Variants in MYH3 observed in about 807,000 individuals in gnomAD.
MYH3 encodes the protein myosin heavy chain 3.
In MYH3, 130 loss-of-function variants were observed where a neutral mutation model predicts 238.0. The observed-to-expected ratio is 0.55, with a 90% confidence interval of 0.47 to 0.63. The LOEUF (loss-of-function observed/expected upper bound fraction) is 0.63. MYH3 is among the 30% of genes least tolerant of loss of function. MYH3 has a pLI of 0.00. For synonymous variants in MYH3, 880 were observed against 924.1 expected (o/e 0.95, Z 0.86); for missense variants, 1,853 against 2,374.9 (o/e 0.78, Z 4.57).
At chr17:10,655,294 G>A (rs1167225004) in intron 2 of MYH3, among the ~76,000 whole-genome samples, 2 of 152,170 alleles carry the variant, frequency 1.3e-5, no homozygotes, top group Non-Finnish European at 2.9e-5. Flanking sequence ...CTTCTTGTGC[G>A]ACAGTCTTAC....
In MYH3 at chr17:10,630,341, C is replaced by G; in HGVS notation, c.5404G>C (p.Glu1802Gln). 3 of 1,614,238 alleles carry G rather than the reference C, an allele frequency of 1.9e-6. No individual in the cohort carries two copies. Among genetic ancestry groups the G allele is most frequent in the Non-Finnish European group, 2.5e-6 (3 of 1,180,050 alleles). Residue 1802 changes from glutamate to glutamine, a missense_variant, in exon 37 of 41, where the codon GAG becomes CAG. By Grantham distance (29) the Glu-to-Gln change is conservative (BLOSUM62 2). Around this residue, in one of 3 missense-constraint regions of MYH3, gnomAD observed 1,044 missense variants for 1,192.6 expected, o/e 0.88. Transcript: ENST00000583535. ...TTCCCGCCCTTCAGCGCCAGCTGCT[C>G]GGCCTCATCTAGACGATGCTGCAGG... The part of the protein sequence containing the change: ...KDLQHRLDEA[E>Q]QLALKGGKKQ...
chr17:10,665,559 T>A, the MYH3 span, among the ~76,000 whole-genome samples: 1 of 152,196 alleles, frequency 6.6e-6, no homozygotes, highest in East Asian at 1.9e-4. Flanking sequence ...AAGAAAAGAC[T>A]CTATAGCAAT....
rs1347219178 is a variant in MYH3, at chr17:10,644,554, T to C, written c.1260+30A>G. The C allele has an allele frequency of 3.7e-6, 6 of 1,613,424 alleles. No individual in the cohort carries two copies. The Admixed American group carries it at 1.0e-4, about 27-fold the overall frequency. On this transcript the variant is annotated intron_variant, in intron 13 of 40. Coordinates refer to ENST00000583535, the MANE Select transcript of MYH3 (RefSeq NM_002470.4). ...ATGAAGGAAGTGGCCAGCAGGGTCCTGCACCCTTTCCCGGCCTTGAAGCTG... is the reference window on the plus strand; with the variant it reads ...ATGAAGGAAGTGGCCAGCAGGGTCCCGCACCCTTTCCCGGCCTTGAAGCTG...
the MYH3 span, among the ~76,000 whole-genome samples, chr17:10,666,400 T>A: frequency 6.8e-6 from 1 of 146,452 alleles, no homozygotes; most frequent in African/African-American, 2.6e-5. Context: ...GGCAACAGAG[T>A]GAGACCTTGT....
rs1367009636 is a variant in MYH3 at position 10,640,397 on chromosome 17, G to A, written c.2362C>T (p.Arg788Trp). The A allele has an allele frequency of 1.9e-6, 3 of 1,614,094 alleles. No individual in the cohort carries two copies. The highest frequency in any genetic ancestry group is 2.5e-6 in the Non-Finnish European group (3 of 1,180,048). The change falls in exon 21 of 41, where the codon CGG (arginine) becomes TGG (tryptophan). Residue 788 changes from arginine to tryptophan, a missense_variant. Arg to Trp is a moderately radical substitution (Grantham distance 101). This residue lies in a region of MYH3 where 678 missense variants were observed against 1,058.9 expected (regional missense o/e 0.64). Transcript: ENST00000583535. ...RDDRLAKLITRTQAVCRGFLM... is the reference protein window; with the variant it reads ...RDDRLAKLITWTQAVCRGFLM... ...AACCCTCTGCACACAGCTTGTGTCC[G>A]GGTGATTAGTTTGGCCAGGCGGTCA...
chr17:10,663,511 G>A, the MYH3 span, among the ~76,000 whole-genome samples: 11 of 152,134 alleles, frequency 7.2e-5, no homozygotes, highest in Admixed American at 7.2e-4. Context: ...AAAGGCAGAA[G>A]TGGGAAAGCT....
chr17:10,636,573 T>C (rs1004909537), intron 28 of MYH3, among the ~76,000 whole-genome samples: 2 of 150,692 alleles, frequency 1.3e-5, no homozygotes, highest in African/African-American at 2.5e-5. Flanking sequence ...GAGAAAAACA[T>C]AGAATGGGGC....
At chr17:10,633,847 T>C (rs577757117) in intron 32 of MYH3, 132 bp from the exon 33 acceptor site, 682 of 1,494,084 alleles carry the variant, frequency 4.6e-4, no homozygotes, top group Non-Finnish European at 5.4e-4. Flanking sequence ...AGATAAGATA[T>C]TGTACAGAGA....
In MYH3 at chr17:10,651,522, G is replaced by T. The variant is rs1300198398; in HGVS notation, c.495C>A (p.Phe165Leu). The change falls in exon 5 of 41, where the codon TTC becomes TTA. Residue 165 changes from phenylalanine (F) to leucine (L), a missense_variant. Physicochemically the swap from Phe to Leu is conservative, Grantham distance 22. Coordinates refer to ENST00000583535, the MANE Select transcript of MYH3 (RefSeq NM_002470.4). ...TCCTGGGAAACTCACCAGTCAGCATGAACTGATAGGCGTTGTCAGAGATGG... is the reference window on the plus strand; with the variant it reads ...TCCTGGGAAACTCACCAGTCAGCATTAACTGATAGGCGTTGTCAGAGATGG... ...IFSISDNAYQ[F>L]MLTDRENQSI... is the part of the protein sequence containing the mutation. The T allele has an allele frequency of 1.2e-6, 2 of 1,613,666 alleles. No homozygotes were observed. Among genetic ancestry groups the T allele is most frequent in the Middle Eastern group, 3.4e-4 (2 of 5,948 alleles).
chr17:10,649,489 G>C, intron 7 of MYH3, 88 bp downstream of exon 7: 1 of 994,808 alleles, frequency 1.0e-6, no homozygotes, highest in Non-Finnish European at 1.6e-6. Flanking sequence ...GAAGAGGGGG[G>C]AATGTGAGGA....
rs1453739529 is a variant in MYH3 at position 10,629,688 on chromosome 17, T to C, written c.5705A>G (p.His1902Arg). ...AHLTKFRKAQ[H>R]ELEEAEERAD... is the part of the protein sequence containing the mutation. ...ACGTTCCTCGGCCTCCTCCAGCTCA[T>C]GCTGAGCCTTTCGGAATTTGGTGAG... The change falls in exon 40 of 41, where the codon CAT becomes CGT. Residue 1902 changes from histidine to arginine, a missense_variant. Coordinates refer to ENST00000583535, the MANE Select transcript of MYH3 (RefSeq NM_002470.4). 1 of 1,614,266 alleles carries C rather than the reference T, an allele frequency of 6.2e-7. No homozygotes were observed. Among genetic ancestry groups the C allele is most frequent in the Admixed American group, 1.7e-5 (1 of 60,036 alleles).
At position 10,640,536 on chromosome 17, in the gene MYH3, C is replaced by G. The variant is rs376303744; in HGVS notation, c.2289+27G>C. 6 of 1,614,100 alleles carry G rather than the reference C, an allele frequency of 3.7e-6. No homozygotes were observed. The African/African-American group carries it at 8.0e-5, about 22-fold the overall frequency. On this transcript the variant is annotated intron_variant, in intron 20 of 40. Coordinates refer to ENST00000583535, the MANE Select transcript of MYH3 (RefSeq NM_002470.4). ...AGCTGTGTCAAGAGGACGAAAAGGC[C>G]AGCATCTGTCAGAACTGATGCATTA...
the MYH3 span, among the ~76,000 whole-genome samples, chr17:10,663,413 G>A: frequency 6.6e-6 from 1 of 152,174 alleles, no homozygotes; most frequent in Non-Finnish European, 1.5e-5. Context: ...CTGTGAAGAG[G>A]CATTCATGTG....
At position 10,642,667 on chromosome 17, in the gene MYH3, G is replaced by A. The variant is rs773536707; in HGVS notation, c.1638C>T (p.Asp546=). Residue 546 remains aspartate, a synonymous_variant, in exon 16 of 41, where the codon GAC becomes GAT. Transcript: ENST00000583535. This position sits in a 1 kb window ranked among gnomAD's most constrained non-coding sequence, Gnocchi z 5.4. The part of the protein sequence containing the change: ...EEECMFPKAT[D]TSFKNKLYDQ... Reference sequence around the variant, plus strand: ...CATACAGCTTGTTCTTGAAGGAGGTGTCTGTTGCCTTGGGGAACATGCACT... The same window carrying A: ...CATACAGCTTGTTCTTGAAGGAGGTATCTGTTGCCTTGGGGAACATGCACT... 1.1e-5 allele frequency: 18 copies of A among 1,614,140 alleles called. No homozygotes were observed. In the Admixed American group the frequency reaches 1.8e-4, roughly 16 times the overall value.
At chr17:10,669,351 G>A in the MYH3 span, among the ~76,000 whole-genome samples, 36 of 152,134 alleles carry the variant, frequency 2.4e-4, no homozygotes, top group Admixed American at 9.2e-4. Context: ...TCAGGAGTTC[G>A]AGACCAGCCT....
At chr17:10,662,245 T>C (rs1684532468), upstream of MYH3, among the ~76,000 whole-genome samples, 1 of 152,054 alleles carries the variant, frequency 6.6e-6, no homozygotes, top group South Asian at 2.1e-4. Context: ...TGGTCTCAAA[T>C]TCCTGTCCTC....
At chr17:10,638,515 C>A in intron 26 of MYH3, 83 bp from the exon 27 acceptor site, 1 of 1,562,392 alleles carries the variant, frequency 6.4e-7, no homozygotes, top group Non-Finnish European at 8.7e-7. Flanking sequence ...GTTTCCCTTC[C>A]CATTAGACAA....
rs1228048533 is a variant in MYH3 at position 10,630,417 on chromosome 17, G to A, written c.5328C>T (p.Thr1776=). ...TCTTCATCCGCTCAAGGTGGGCGCTGGTGTCCTGCTCCTTCTTCAGCTCCT... is the reference window on the plus strand; with the variant it reads ...TCTTCATCCGCTCAAGGTGGGCGCTAGTGTCCTGCTCCTTCTTCAGCTCCT... ...MAEELKKEQD[T]SAHLERMKKN... The change falls in exon 37 of 41, where the codon ACC becomes ACT. Residue 1776 remains threonine, a synonymous_variant. Coordinates refer to ENST00000583535, the MANE Select transcript of MYH3 (RefSeq NM_002470.4). 1.2e-6 allele frequency: 2 copies of A among 1,614,118 alleles called. No individual in the cohort carries two copies. The highest frequency in any genetic ancestry group is 1.1e-5 in the South Asian group (1 of 91,072).
intron 29 of MYH3, 50 bp downstream of exon 29, chr17:10,635,685 C>T (rs774005498): frequency 6.2e-7 from 1 of 1,612,372 alleles, no homozygotes; most frequent in Non-Finnish European, 8.5e-7. Context: ...TTTCCTCCTA[C>T]AGGTGATATT....
Sources: gnomAD v4.1 joint callset for allele counts (sites outside exome capture counted in the v4.1 genomes callset) on GRCh38, gnomAD v4.1.1 for gene constraint, gnomAD v4.1.1 regional missense constraint, Gnocchi (gnomAD v3.1) non-coding constraint, MANE v1.5 for transcripts, NCBI Gene and HGNC (gene_info 2026-07-23, HGNC 2026-07-21) for gene names.